GDI2: variants seen among roughly 807,000 people sequenced by gnomAD.
GDI2 encodes the protein rab GDP dissociation inhibitor beta.
Under a neutral mutation model 54.2 loss-of-function variants are expected in GDI2, and 22 were observed. The observed-to-expected ratio is 0.41, with a 90% CI of 0.29 to 0.58. GDI2 has a LOEUF of 0.58. Among genes scored for constraint, GDI2 ranks in the 20% least tolerant of loss-of-function variants. The pLI, the probability that GDI2 is intolerant of heterozygous loss-of-function variation, is 0.35. For synonymous variants in GDI2, 177 were observed against 182.1 expected (o/e 0.97, Z 0.23); for missense variants, 422 against 546.0 (o/e 0.77, Z 2.26).
At chr10:5,770,206 G>T (rs932365807) in intron 7 of GDI2, among the ~76,000 whole-genome samples, 3 of 152,210 alleles carry the variant, frequency 2.0e-5, no homozygotes, top group Non-Finnish European at 4.4e-5. Flanking sequence ...AATGGTGCTT[G>T]CCAGTGGCTG....
chr10:5,796,876 A>C lies in GDI2; in HGVS notation c.154-14T>G, dbSNP rs747313222. ...TCTTTTGTATAACTAAAAGCAAGGA[A>C]AAACATAGCCATAATGTTAACAAAA... is the stretch of plus-strand genomic sequence containing the variant. On this transcript the variant is annotated splice_polypyrimidine_tract_variant and intron_variant, in intron 2 of 10. Coordinates refer to ENST00000380191, the MANE Select transcript of GDI2 (RefSeq NM_001494.4). 3.2e-6 allele frequency: 4 copies of C among 1,238,396 alleles called. No individual in the cohort carries two copies. The African/African-American group carries it at 5.9e-5, about 18-fold the overall frequency. The allele number at this position is 1,238,396 out of a possible 1,614,324, so 76.7% of individuals were successfully genotyped here. A position where few individuals can be genotyped will look rare whatever the true frequency, so the allele number is the denominator to read the frequency against.
Position 5,766,454 on chromosome 10 carries a change from T to G in GDI2, c.1136+40A>C. On this transcript the variant is annotated intron_variant, in intron 9 of 10. Coordinates refer to ENST00000380191, the MANE Select transcript of GDI2 (RefSeq NM_001494.4). The surrounding 1 kb of genome is among the most constrained non-coding windows in gnomAD (Gnocchi z 5.8). The stretch of plus-strand genomic sequence containing the variant: ...CACCATGGAGCCACAATCAAAGGCC[T>G]CAGTTTGCATCTCGGCAGATATAAA... The G allele has an allele frequency of 6.2e-7, 1 of 1,608,750 alleles. No individual in the cohort carries two copies.
intron 2 of GDI2, among the ~76,000 whole-genome samples, chr10:5,797,950 T>C (rs1418662102): frequency 6.6e-6 from 1 of 152,214 alleles, no homozygotes; most frequent in Non-Finnish European, 1.5e-5. Context: ...TCAGAAAAGA[T>C]AATTAAAATT....
intron 1 of GDI2, among the ~76,000 whole-genome samples, chr10:5,809,244 C>CAAAAAAAAAAAAA (rs1554791052): frequency 7.5e-6 from 1 of 134,156 alleles, no homozygotes; most frequent in Non-Finnish European, 1.6e-5. Context: ...GACTCCATCT[C>CAAAAAAAAAAAAA]AAAAAAAAAC....
At chr10:5,773,963 A>G (rs749611851) in intron 6 of GDI2, 22 bp from the exon 7 acceptor site, 2 of 954,664 alleles carry the variant, frequency 2.1e-6, no homozygotes, top group South Asian at 2.8e-5. Flanking sequence ...TTAAAATCCC[A>G]ATTAATAATA....
chr10:5,794,039 C>T (rs1365914135), intron 4 of GDI2, among the ~76,000 whole-genome samples: 3 of 151,086 alleles, frequency 2.0e-5, no homozygotes, highest in African/African-American at 7.3e-5. Flanking sequence ...TGGTACATGC[C>T]TATAGTCCCA....
intron 4 of GDI2, among the ~76,000 whole-genome samples, chr10:5,790,171 C>G (rs1373711644): frequency 6.6e-6 from 1 of 152,230 alleles, no homozygotes; most frequent in African/African-American, 2.4e-5. Context: ...GACTTCAGGT[C>G]TGCGGCTGCA....
rs183230934 is a variant in GDI2 at position 5,797,045 on chromosome 10, T to C, written c.154-183A>G. ...AAGGTCCAATATATATGTAAATTAA[T>C]TACTAAACTCATAAATGTTAAAATT... On this transcript the variant is annotated intron_variant, in intron 2 of 10. Transcript: ENST00000380191. Among the ~76,000 whole-genome samples, 14 of 152,322 alleles carry C rather than the reference T, an allele frequency of 9.2e-5. No homozygotes were observed. In the East Asian group the frequency reaches 2.5e-3, roughly 27 times the overall value.
chr10:5,800,763 C>G lies in GDI2; in HGVS notation c.46-58G>C. The stretch of plus-strand genomic sequence containing the variant: ...GTTCTACAGCATATTTAAAACAGAT[C>G]ATTTTTTTCAAGCCTGCCATTACAC... On this transcript the variant is annotated intron_variant, in intron 1 of 10. Transcript: ENST00000380191. 3 of 848,336 alleles carry G rather than the reference C, an allele frequency of 3.5e-6. No individual in the cohort carries two copies. The South Asian group carries it at 4.0e-5, about 11-fold the overall frequency. 52.6% of individuals were successfully genotyped at this position (848,336 alleles called of 1,614,324 possible). A position where few individuals can be genotyped will look rare whatever the true frequency, so the allele number is the denominator to read the frequency against.
At chr10:5,808,567 T>A (rs922946768) in intron 1 of GDI2, among the ~76,000 whole-genome samples, 11 of 151,054 alleles carry the variant, frequency 7.3e-5, no homozygotes, top group Admixed American at 6.6e-4. Flanking sequence ...TTCCAACCAC[T>A]TGGGAGCCTG....
chr10:5,800,511 A>G, intron 2 of GDI2, 87 bp downstream of exon 2: 1 of 761,824 alleles, frequency 1.3e-6, no homozygotes. Flanking sequence ...AAACAAAATT[A>G]AGACCATCTC....
Position 5,765,548 on chromosome 10 carries a change from TAATAC to T in GDI2, c.*453_*457del, listed in dbSNP as rs1427437122. On this transcript the variant is annotated 3_prime_UTR_variant, in exon 11 of 11. Coordinates refer to ENST00000380191, the MANE Select transcript of GDI2 (RefSeq NM_001494.4). ...TTGGGCCCTGCCATAACATTTGACA[TAATAC>T]AAAATATAAAGTCATAGGGAAAACT... The T allele has an allele frequency of 1.3e-5, 2 of 152,784 alleles. No individual in the cohort carries two copies. Among genetic ancestry groups the T allele is most frequent in the Admixed American group, 1.3e-4 (2 of 15,288 alleles). 9.5% of individuals were successfully genotyped at this position (152,784 alleles called of 1,614,324 possible). A position where few individuals can be genotyped will look rare whatever the true frequency, so the allele number is the denominator to read the frequency against.
chr10:5,783,252 AAATAT>A (rs1194054628), intron 6 of GDI2, among the ~76,000 whole-genome samples: 1 of 152,140 alleles, frequency 6.6e-6, no homozygotes, highest in Non-Finnish European at 1.5e-5. Flanking sequence ...ATAAAATAAA[AAATAT>A]AAGAATAGCT....
At position 5,774,904 on chromosome 10, in the gene GDI2, A is replaced by C. The variant is rs1840584362; in HGVS notation, c.720-963T>G. On this transcript the variant is annotated intron_variant, in intron 6 of 10. Transcript: ENST00000380191. This position sits in a 1 kb window ranked among gnomAD's most constrained non-coding sequence, Gnocchi z 4.8. ...TCACACCCAGGGGAAGGGGAAGGGC[A>C]AGGGCAAGGGCAAGGCCAAGGGAAG... 6.6e-6 allele frequency among the ~76,000 whole-genome samples: 1 copy of C among 151,858 alleles called. No individual in the cohort carries two copies. The highest frequency in any genetic ancestry group is 6.6e-5 in the Admixed American group (1 of 15,262).
intron 2 of GDI2, 57 bp downstream of exon 2, chr10:5,800,541 T>C (rs1588986185): frequency 1.2e-6 from 1 of 843,784 alleles, no homozygotes; most frequent in East Asian, 2.4e-5. Context: ...AGGTAGAGAT[T>C]CACAAGTGAA....
chr10:5,782,176 T>C (rs1248448045), intron 6 of GDI2, among the ~76,000 whole-genome samples: 1 of 152,134 alleles, frequency 6.6e-6, no homozygotes, highest in East Asian at 1.9e-4. Flanking sequence ...GCAAAAGACT[T>C]GAACAATCAC....
intron 1 of GDI2, among the ~76,000 whole-genome samples, chr10:5,809,256 A>G (rs1841441413): frequency 6.6e-6 from 1 of 150,764 alleles, no homozygotes; most frequent in African/African-American, 2.4e-5. Flanking sequence ...AAAAAAAACA[A>G]AAAAAAAAAC....
At chr10:5,773,145 C>T (rs1567705) in intron 7 of GDI2, among the ~76,000 whole-genome samples, 119,290 of 152,012 alleles carry the variant, frequency 0.78, 48,415 homozygotes, top group Non-Finnish European at 0.9. Flanking sequence ...ACCTAAATAA[C>T]TGAAGATGCC....
At chr10:5,767,833 T>A (rs1252198070) in intron 8 of GDI2, among the ~76,000 whole-genome samples, 3 of 152,192 alleles carry the variant, frequency 2.0e-5, no homozygotes, top group Non-Finnish European at 4.4e-5. Flanking sequence ...TAGAATCAAA[T>A]GTAGGTACTA....
Sources: gnomAD v4.1 joint callset for allele counts (sites outside exome capture counted in the v4.1 genomes callset) on GRCh38, gnomAD v4.1.1 for gene constraint, Gnocchi (gnomAD v3.1) non-coding constraint, MANE v1.5 for transcripts, NCBI Gene and HGNC (gene_info 2026-07-23, HGNC 2026-07-21) for gene names.